The following PDSS2 variants were observed in gnomAD, a reference collection of about 807,000 sequenced individuals.
PDSS2 encodes the protein decaprenyl diphosphate synthase subunit 2.
In PDSS2, 31 loss-of-function variants were observed where a neutral mutation model predicts 44.5. The observed-to-expected ratio is 0.70, with a 90% CI of 0.52 to 0.94. The LOEUF (loss-of-function observed/expected upper bound fraction) is 0.94. Among genes scored for constraint, PDSS2 ranks in the 40% least tolerant of loss-of-function variants. PDSS2 has a pLI of 0.00. For synonymous variants in PDSS2, 157 were observed against 180.3 expected (o/e 0.87, Z 1.03); for missense variants, 452 against 482.2 (o/e 0.94, Z 0.59).
intron 2 of PDSS2, among the ~76,000 whole-genome samples, chr6:107,327,987 T>C (rs1374686626): frequency 6.6e-6 from 1 of 152,348 alleles, no homozygotes; most frequent in African/African-American, 2.4e-5. Context: ...TGCGTCAGTC[T>C]AAAACACTTA....
intron 1 of PDSS2, among the ~76,000 whole-genome samples, chr6:107,405,249 C>T (rs1035373264): frequency 4.6e-5 from 7 of 151,980 alleles, no homozygotes; most frequent in East Asian, 1.9e-4. Context: ...AGCAATTCAT[C>T]GCCACTAGAC....
intron 7 of PDSS2, among the ~76,000 whole-genome samples, chr6:107,185,592 G>A (rs1394167506): frequency 2.0e-5 from 3 of 152,210 alleles, no homozygotes; most frequent in East Asian, 1.9e-4. Flanking sequence ...ACAGGCATAC[G>A]CTCAGCTCCA....
chr6:107,221,962 A>G (rs919845862), intron 4 of PDSS2, among the ~76,000 whole-genome samples: 44 of 152,252 alleles, frequency 2.9e-4, no homozygotes, highest in African/African-American at 1.0e-3. Context: ...TGAAGTTAAA[A>G]GTACTTTTTA....
intron 1 of PDSS2, among the ~76,000 whole-genome samples, chr6:107,452,300 C>A (rs142983289): frequency 6.6e-6 from 1 of 151,588 alleles, no homozygotes; most frequent in Non-Finnish European, 1.5e-5. Flanking sequence ...TGCAGTGCCG[C>A]GATCTCACTG....
intron 1 of PDSS2, among the ~76,000 whole-genome samples, chr6:107,412,339 A>C (rs1780530760): frequency 6.7e-6 from 1 of 148,320 alleles, no homozygotes; most frequent in Non-Finnish European, 1.5e-5. Context: ...TCCGGGTTCA[A>C]GCGATTCTCC....
intron 4 of PDSS2, among the ~76,000 whole-genome samples, chr6:107,226,332 T>C (rs562896399): frequency 1.3e-4 from 20 of 152,182 alleles, no homozygotes; most frequent in South Asian, 1.0e-3. Flanking sequence ...AATATAATTA[T>C]AAACTGAGAT....
chr6:107,248,605 T>C (rs959528521), intron 3 of PDSS2, among the ~76,000 whole-genome samples: 3 of 152,016 alleles, frequency 2.0e-5, no homozygotes, highest in African/African-American at 7.2e-5. Context: ...ATTGTGAGAT[T>C]TGGGCAAATC....
chr6:107,222,065 T>C (rs1304362125), intron 4 of PDSS2, among the ~76,000 whole-genome samples: 2 of 152,218 alleles, frequency 1.3e-5, no homozygotes, highest in African/African-American at 4.8e-5. Flanking sequence ...AAATTTGGGT[T>C]GGATGAGACA....
chr6:107,156,796 C>T (rs913429221), intron 7 of PDSS2, among the ~76,000 whole-genome samples: 3 of 152,150 alleles, frequency 2.0e-5, no homozygotes, highest in Non-Finnish European at 4.4e-5. Flanking sequence ...CACAGTGCCT[C>T]GCCCACCTGT....
chr6:107,442,343 G>A (rs1330728754), intron 1 of PDSS2, among the ~76,000 whole-genome samples: 1 of 152,148 alleles, frequency 6.6e-6, no homozygotes, highest in Non-Finnish European at 1.5e-5. Flanking sequence ...CTCGAATCCA[G>A]GAGGCAGAGG....
At position 107,165,111 on chromosome 6, in the gene PDSS2, G is replaced by A. The variant is rs192962400; in HGVS notation, c.1042-10334C>T. Among the ~76,000 whole-genome samples, 64 of 152,118 alleles carry A rather than the reference G, an allele frequency of 4.2e-4. No homozygotes were observed. The South Asian group carries it at 0.012, about 28-fold the overall frequency. On this transcript the variant is annotated intron_variant, in intron 7 of 7. Coordinates refer to ENST00000369037, the MANE Select transcript of PDSS2 (RefSeq NM_020381.4). Reference sequence around the variant, plus strand: ...TGGAAAAATTTTCTCCCATTCTGTCGGTTGCCCGTTCACTCTGATGGTAGT... The same window carrying A: ...TGGAAAAATTTTCTCCCATTCTGTCAGTTGCCCGTTCACTCTGATGGTAGT...
Position 107,205,191 on chromosome 6 carries a change from T to A in PDSS2, c.1008+5248A>T, listed in dbSNP as rs573941472. On this transcript the variant is annotated intron_variant, in intron 6 of 7. Transcript: ENST00000369037. ...TTCTGAATAAGGAGCAATAGTAAGC[T>A]ATCTAGGGACAAGCGAGTTACAGCT... is the stretch of plus-strand genomic sequence containing the variant. 7.2e-5 allele frequency among the ~76,000 whole-genome samples: 11 copies of A among 152,352 alleles called. No homozygotes were observed. The East Asian group carries it at 1.5e-3, about 21-fold the overall frequency.
chr6:107,445,370 A>G (rs559970050), intron 1 of PDSS2, among the ~76,000 whole-genome samples: 2 of 152,250 alleles, frequency 1.3e-5, no homozygotes, highest in South Asian at 4.1e-4. Flanking sequence ...CAAGTCCACT[A>G]TCCCTCATCC....
chr6:107,244,382 C>A (rs980138495), intron 4 of PDSS2, among the ~76,000 whole-genome samples: 1 of 152,178 alleles, frequency 6.6e-6, no homozygotes, highest in Non-Finnish European at 1.5e-5. Context: ...ACTATCTATA[C>A]AACGTAACTT....
chr6:107,379,122 C>T (rs554790709), intron 1 of PDSS2, among the ~76,000 whole-genome samples: 2 of 152,288 alleles, frequency 1.3e-5, no homozygotes, highest in Non-Finnish European at 2.9e-5. Flanking sequence ...ATTTGGAATT[C>T]TTTGGCATGG....
intron 2 of PDSS2, among the ~76,000 whole-genome samples, chr6:107,280,384 A>T (rs944963183): frequency 6.6e-6 from 1 of 152,216 alleles, no homozygotes; most frequent in Non-Finnish European, 1.5e-5. Context: ...CTTGATTAGA[A>T]AACAGTCACA....
At chr6:107,248,392 T>C (rs1774698348) in intron 3 of PDSS2, among the ~76,000 whole-genome samples, 1 of 151,620 alleles carries the variant, frequency 6.6e-6, no homozygotes, top group Non-Finnish European at 1.5e-5. Context: ...ATTCCAGGAC[T>C]TTTGTTTCTC....
At chr6:107,225,149 A>ATATATATATATT (rs1773755323) in intron 4 of PDSS2, among the ~76,000 whole-genome samples, 2 of 55,404 alleles carry the variant, frequency 3.6e-5, no homozygotes, top group Non-Finnish European at 5.9e-5. Context: ...ATATATATAT[A>ATATATATATATT]TATATATATA....
intron 2 of PDSS2, among the ~76,000 whole-genome samples, chr6:107,315,426 C>T (rs1349286287): frequency 6.6e-6 from 1 of 152,082 alleles, no homozygotes; most frequent in East Asian, 1.9e-4. Context: ...AATAAAATAT[C>T]AAAATTCATT....
Sources: allele counts gnomAD v4.1 joint callset (sites outside exome capture counted in the v4.1 genomes callset), GRCh38; gene constraint gnomAD v4.1.1; transcripts MANE v1.5; gene names NCBI Gene and HGNC (gene_info 2026-07-23, HGNC 2026-07-21).